ATP10B: variants seen among roughly 807,000 people sequenced by gnomAD.
ATP10B encodes the protein phospholipid-transporting ATPase VB.
A neutral mutation model predicts 141.2 loss-of-function variants in ATP10B; 122 were observed. The ratio of observed to expected loss-of-function variants is 0.86; its 90% CI spans 0.75 to 1.00. The LOEUF is 1.00. Ranked by LOEUF, ATP10B falls within the 50% of genes least tolerant of loss-of-function variation. The pLI is 0.00. For missense variants in ATP10B, 1,876 were observed against 1,825.3 expected, an observed-to-expected ratio of 1.03 and a Z score of -0.51; for synonymous variants, 685 against 692.0, an observed-to-expected ratio of 0.99 and a Z score of 0.16.
chr5:160,684,520 G>A (rs1020099390), intron 6 of ATP10B, among the ~76,000 whole-genome samples: 1 of 152,130 alleles, frequency 6.6e-6, no homozygotes, highest in African/African-American at 2.4e-5. Context: ...TCCTCAACCA[G>A]CCTTAAATGT....
At chr5:160,695,545 G>T (rs1415746803) in intron 3 of ATP10B, among the ~76,000 whole-genome samples, 5 of 151,666 alleles carry the variant, frequency 3.3e-5, no homozygotes, top group African/African-American at 1.2e-4. Flanking sequence ...CTGAAAGTAA[G>T]CATCCTAGGA....
chr5:160,571,691 T>C (rs972672698), intron 24 of ATP10B, among the ~76,000 whole-genome samples: 2 of 151,944 alleles, frequency 1.3e-5, no homozygotes, highest in African/African-American at 4.8e-5. Context: ...TGCATGTGTG[T>C]GTGTGTTTGT....
chr5:160,778,881 T>C (rs919778082), intron 2 of ATP10B, among the ~76,000 whole-genome samples: 17 of 152,306 alleles, frequency 1.1e-4, no homozygotes, highest in African/African-American at 3.6e-4. Context: ...CTGTTCCTTA[T>C]TAGCTGTGCT....
chr5:160,572,794 A>G (rs547886326), intron 24 of ATP10B, among the ~76,000 whole-genome samples: 10 of 152,380 alleles, frequency 6.6e-5, no homozygotes, highest in Non-Finnish European at 7.3e-5. Flanking sequence ...GAAATATTTC[A>G]TGCTTATAGA....
chr5:160,802,186 G>T (rs751535062), intron 1 of ATP10B, among the ~76,000 whole-genome samples: 3 of 152,148 alleles, frequency 2.0e-5, no homozygotes, highest in Non-Finnish European at 4.4e-5. Flanking sequence ...TATAGATGGG[G>T]CATAAAAGCC....
chr5:160,662,377 G>A (rs1272552816), intron 7 of ATP10B, among the ~76,000 whole-genome samples: 21 of 152,280 alleles, frequency 1.4e-4, no homozygotes, highest in African/African-American at 4.6e-4. Flanking sequence ...GAGGCATCAT[G>A]CTACCTGACT....
At chr5:160,678,158 G>C (rs1253424611) in intron 6 of ATP10B, among the ~76,000 whole-genome samples, 1 of 152,216 alleles carries the variant, frequency 6.6e-6, no homozygotes, top group Non-Finnish European at 1.5e-5. Flanking sequence ...CAGGAAAAAT[G>C]AGAGCGCAAA....
chr5:160,675,867 G>A (rs1054432122), intron 6 of ATP10B, among the ~76,000 whole-genome samples: 1 of 151,858 alleles, frequency 6.6e-6, no homozygotes, highest in African/African-American at 2.4e-5. Context: ...AGAGAAGCAG[G>A]GGGGTGGGGG....
At chr5:160,862,763 CATA>C in the ATP10B span, among the ~76,000 whole-genome samples, 1 of 151,872 alleles carries the variant, frequency 6.6e-6, no homozygotes, top group Admixed American at 6.6e-5. Flanking sequence ...TATTCTTTAC[CATA>C]ATAACCTTCT....
At chr5:160,787,113 C>G (rs942323278) in intron 1 of ATP10B, among the ~76,000 whole-genome samples, 10 of 79,280 alleles carry the variant, frequency 1.3e-4, no homozygotes, top group African/African-American at 4.7e-4. Flanking sequence ...CAGACACACA[C>G]ACACACACAC....
At chr5:160,708,370 A>G (rs578054448) in intron 3 of ATP10B, among the ~76,000 whole-genome samples, 1 of 152,314 alleles carries the variant, frequency 6.6e-6, no homozygotes, top group South Asian at 2.1e-4. Context: ...GAGAGAGCCA[A>G]GGAGATAACA....
the ATP10B span, among the ~76,000 whole-genome samples, chr5:160,889,585 C>T: frequency 0.013 from 1,904 of 152,250 alleles, 42 homozygotes; most frequent in African/African-American, 0.043. Context: ...ACCTAGTGCA[C>T]GCTGTGCACT....
intron 3 of ATP10B, among the ~76,000 whole-genome samples, chr5:160,708,198 TG>T (rs1013488922): frequency 1.3e-5 from 2 of 152,138 alleles, no homozygotes; most frequent in African/African-American, 4.8e-5. Context: ...GTTGAGGTTT[TG>T]TTGTCTGATT....
At chr5:160,789,149 C>T (rs1234152974) in intron 1 of ATP10B, among the ~76,000 whole-genome samples, 1 of 152,048 alleles carries the variant, frequency 6.6e-6, no homozygotes, top group African/African-American at 2.4e-5. Context: ...GTGAGACAGG[C>T]CAATTGATTC....
chr5:160,894,553 G>A, the ATP10B span, among the ~76,000 whole-genome samples: 28 of 152,104 alleles, frequency 1.8e-4, no homozygotes, highest in African/African-American at 5.3e-4. Context: ...ATGGGAGTAC[G>A]TGAAAAGACC....
intron 1 of ATP10B, among the ~76,000 whole-genome samples, chr5:160,849,355 A>T (rs1206114233): frequency 1.3e-5 from 2 of 152,082 alleles, no homozygotes; most frequent in African/African-American, 4.8e-5. Context: ...TAAGAGACAA[A>T]AGTACCTCCT....
chr5:160,659,279 C>T (rs1033810874), intron 7 of ATP10B, among the ~76,000 whole-genome samples: 3 of 152,088 alleles, frequency 2.0e-5, no homozygotes, highest in Admixed American at 1.3e-4. Context: ...GCCTGGCCAA[C>T]ATAGTGAAAC....
Position 160,620,473 on chromosome 5 carries a change from G to C in ATP10B, c.2290C>G (p.Leu764Val). 2 of 1,614,242 alleles carry C rather than the reference G, an allele frequency of 1.2e-6. No individual in the cohort carries two copies. The highest frequency in any genetic ancestry group is 2.2e-5 in the East Asian group (1 of 44,874). The change falls in exon 15 of 26, where the codon CTG becomes GTG. Residue 764 changes from leucine to valine, a missense_variant. By Grantham distance (32) the Leu-to-Val change is conservative (BLOSUM62 1). Coordinates refer to ENST00000327245, the MANE Select transcript of ATP10B (RefSeq NM_025153.3). ...CTCTTCCTGACAGAGTCAAAGCCCAGGGTGCAGAGGAGGCTGAAGGTGAGG... is the reference window on the plus strand; with the variant it reads ...CTCTTCCTGACAGAGTCAAAGCCCACGGTGCAGAGGAGGCTGAAGGTGAGG... ...TCLTFSLLCT[L>V]GFDSVRKRMS...
intron 2 of ATP10B, among the ~76,000 whole-genome samples, chr5:160,729,800 G>T (rs1312909082): frequency 6.6e-6 from 1 of 152,178 alleles, no homozygotes; most frequent in Admixed American, 6.5e-5. Context: ...GTGAGGTGGG[G>T]AGATGGTGGA....
Sources: allele counts gnomAD v4.1 joint callset (sites outside exome capture counted in the v4.1 genomes callset), GRCh38; gene constraint gnomAD v4.1.1; transcripts MANE v1.5; gene names NCBI Gene and HGNC (gene_info 2026-07-23, HGNC 2026-07-21).